The following NWD1 variants were observed in gnomAD, a reference collection of about 807,000 sequenced individuals.
NWD1 encodes the protein NACHT domain- and WD repeat-containing protein 1.
A neutral mutation model predicts 135.1 loss-of-function variants in NWD1; 129 were observed. That is an observed-to-expected ratio of 0.96 (90% CI 0.83 to 1.11). The LOEUF (loss-of-function observed/expected upper bound fraction) is 1.11. NWD1 is among the 50% of genes least tolerant of loss of function. The probability of loss-of-function intolerance (pLI) is 0.00; values close to 1 mark genes in which losing one functional copy is unlikely to be tolerated. For synonymous variants in NWD1, 773 were observed against 786.0 expected, an observed-to-expected ratio of 0.98 and a Z score of 0.28; for missense variants, 1,740 against 1,851.3, an observed-to-expected ratio of 0.94 and a Z score of 1.10.
chr19:16,773,059 A>C, intron 10 of NWD1, 67 bp from the exon 11 acceptor site: 1 of 1,342,116 alleles, frequency 7.5e-7, no homozygotes, highest in South Asian at 1.2e-5. Context: ...GGGAGCAGAG[A>C]CTCAATTGGC....
intron 13 of NWD1, among the ~76,000 whole-genome samples, chr19:16,789,716 C>CTTTTTT (rs11383216): frequency 8.4e-5 from 10 of 119,574 alleles, no homozygotes; most frequent in Non-Finnish European, 1.0e-4. Context: ...TCCTCTCTCT[C>CTTTTTT]TTTTTTTTTT....
intron 6 of NWD1, among the ~76,000 whole-genome samples, chr19:16,757,274 T>C (rs1401044200): frequency 6.6e-6 from 1 of 151,774 alleles, no homozygotes; most frequent in Admixed American, 6.6e-5. Context: ...TAAAAAATGA[T>C]CTGACCCCAA....
chr19:16,799,799 C>T (rs907678402), intron 16 of NWD1, 87 bp from the exon 17 acceptor site: 67 of 1,306,128 alleles, frequency 5.1e-5, no homozygotes, highest in African/African-American at 2.1e-4. Flanking sequence ...TGAGCCACCG[C>T]GCCTGGCCCA....
Position 16,750,157 on chromosome 19 carries a change from A to G in NWD1, c.1515A>G (p.Gln505=). 6.2e-7 allele frequency: 1 copy of G among 1,613,526 alleles called. No individual in the cohort carries two copies. The highest frequency in any genetic ancestry group is 8.5e-7 in the Non-Finnish European group (1 of 1,179,896). Residue 505 remains glutamine, a synonymous_variant, in exon 6 of 19, where the codon CAA becomes CAG. Coordinates refer to ENST00000524140, the MANE Select transcript of NWD1 (RefSeq NM_001007525.5). The part of the protein sequence containing the change: ...LSGNQGQQMI[Q]LLLAAARRTL... ...GAAACCAAGGCCAGCAGATGATCCA[A>G]CTCCTGCTGGCAGCTGCAAGGAGGA... is the stretch of plus-strand genomic sequence containing the variant.
chr19:16,761,135 C>T (rs56162704), intron 7 of NWD1, among the ~76,000 whole-genome samples: 6,743 of 152,188 alleles, frequency 0.044, 490 homozygotes, highest in African/African-American at 0.15. Context: ...TTGTGTCTGG[C>T]TTCTTTCACT....
chr19:16,803,870 A>G (rs1024175795), intron 17 of NWD1, among the ~76,000 whole-genome samples: 3 of 151,704 alleles, frequency 2.0e-5, no homozygotes, highest in African/African-American at 7.3e-5. Context: ...GGCTGCAGTG[A>G]GCCAAGACCA....
At chr19:16,731,355 G>A in intron 3 of NWD1, 77 bp downstream of exon 3, 1 of 840,128 alleles carries the variant, frequency 1.2e-6, no homozygotes, top group Non-Finnish European at 1.9e-6. Flanking sequence ...TCGCCAGGCT[G>A]GAGTGCAGTG....
chr19:16,736,739 C>A lies in NWD1; in HGVS notation c.187C>A (p.Pro63Thr). Residue 63 changes from proline to threonine, a missense_variant, in exon 4 of 19, where the codon CCA (proline) becomes ACA (threonine). By Grantham distance (38) the Pro-to-Thr change is conservative. Transcript: ENST00000524140. ...VDRCWKTSIG[P>T]AFVALIGDQY... ...CCGGTGTTGGAAAACATCCATAGGGCCAGCTTTTGTTGTGAGTGTCTTGGG... is the reference window on the plus strand; with the variant it reads ...CCGGTGTTGGAAAACATCCATAGGGACAGCTTTTGTTGTGAGTGTCTTGGG... The A allele has an allele frequency of 2.0e-6, 3 of 1,530,410 alleles. No individual in the cohort carries two copies. The highest frequency in any genetic ancestry group is 2.6e-6 in the Non-Finnish European group (3 of 1,141,366). 94.8% of individuals were successfully genotyped at this position (1,530,410 alleles called of 1,614,324 possible). A position where few individuals can be genotyped will look rare whatever the true frequency, so the allele number is the denominator to read the frequency against.
chr19:16,732,847 C>T (rs73521211), intron 3 of NWD1, among the ~76,000 whole-genome samples: 2,586 of 151,964 alleles, frequency 0.017, 78 homozygotes, highest in African/African-American at 0.059. Flanking sequence ...AACTGATGAA[C>T]ATCTTTGGAG....
intron 17 of NWD1, among the ~76,000 whole-genome samples, chr19:16,805,324 G>A (rs1236423484): frequency 2.0e-5 from 3 of 152,022 alleles, no homozygotes; most frequent in Non-Finnish European, 2.9e-5. Flanking sequence ...CTCCCAAAGT[G>A]CTAGGATTAC....
At chr19:16,804,244 C>T (rs998566245) in intron 17 of NWD1, among the ~76,000 whole-genome samples, 14 of 152,068 alleles carry the variant, frequency 9.2e-5, no homozygotes, top group South Asian at 2.1e-4. Context: ...TAGTCAATTC[C>T]GGCCACTATA....
At chr19:16,786,553 CT>C (rs111519885) in intron 12 of NWD1, among the ~76,000 whole-genome samples, 34 of 145,950 alleles carry the variant, frequency 2.3e-4, no homozygotes, top group Admixed American at 4.1e-4. Context: ...GTTGGGGACA[CT>C]TTTTTTTTTT....
chr19:16,814,299 C>A (rs954736962), intron 18 of NWD1, among the ~76,000 whole-genome samples: 3 of 152,188 alleles, frequency 2.0e-5, no homozygotes, highest in African/African-American at 4.8e-5. Context: ...CAGTGAGTAA[C>A]TAGTAGGCTT....
At chr19:16,813,523 C>T (rs933534442) in intron 18 of NWD1, among the ~76,000 whole-genome samples, 4 of 151,990 alleles carry the variant, frequency 2.6e-5, no homozygotes, top group African/African-American at 9.7e-5. Flanking sequence ...GTCACCCAGG[C>T]TGGAGTGCAG....
At chr19:16,736,365 G>C (rs1967819861) in intron 3 of NWD1, among the ~76,000 whole-genome samples, 1 of 151,982 alleles carries the variant, frequency 6.6e-6, no homozygotes, top group South Asian at 2.1e-4. Context: ...GAGTAGCTGG[G>C]ACTACAGGTG....
intron 11 of NWD1, among the ~76,000 whole-genome samples, chr19:16,778,494 C>CTTCTTTTTTTTTTTTTTT (rs200410922): frequency 7.4e-5 from 8 of 107,566 alleles, no homozygotes; most frequent in African/African-American, 3.8e-4. Context: ...TCTTCTTCTT[C>CTTCTTTTTTTTTTTTTTT]TTTTTTTTTT....
At chr19:16,782,950 C>A (rs145500844) in intron 12 of NWD1, among the ~76,000 whole-genome samples, 1 of 146,832 alleles carries the variant, frequency 6.8e-6, no homozygotes. Context: ...TTCCTTCCCC[C>A]CTTCCCCTTC....
At chr19:16,744,332 G>A (rs1968208855) in intron 4 of NWD1, 89 bp from the exon 5 acceptor site, 5 of 1,126,352 alleles carry the variant, frequency 4.4e-6, no homozygotes, top group Non-Finnish European at 5.1e-6. Context: ...AGCCATGGTT[G>A]TACCACCGCA....
At position 16,759,796 on chromosome 19, in the gene NWD1, C is replaced by T. The variant is rs186394148; in HGVS notation, c.1973+368C>T. Among the ~76,000 whole-genome samples, 252 of 151,656 alleles carry T rather than the reference C, an allele frequency of 1.7e-3. 1 individual carries two copies. The highest frequency in any genetic ancestry group is 2.9e-3 in the Non-Finnish European group (198 of 67,900). On this transcript the variant is annotated intron_variant, in intron 7 of 18. Transcript: ENST00000524140. ...ATCACCTGAGGTCAGGAGTTTGAGA[C>T]CAGTCTGACCAACATGGTGAAACCC... is the stretch of plus-strand genomic sequence containing the variant.
Sources: gnomAD v4.1 joint callset for allele counts (sites outside exome capture counted in the v4.1 genomes callset) on GRCh38, gnomAD v4.1.1 for gene constraint, MANE v1.5 for transcripts, NCBI Gene and HGNC (gene_info 2026-07-23, HGNC 2026-07-21) for gene names.